The following DIS3L2 variants were observed in gnomAD, a reference collection of about 807,000 sequenced individuals.
DIS3L2 encodes DIS3 like 3'-5' exoribonuclease 2.
In DIS3L2, 34 loss-of-function variants were observed where a neutral mutation model predicts 97.5. The ratio of observed to expected loss-of-function variants is 0.35; its 90% confidence interval spans 0.27 to 0.46. The LOEUF is 0.46. Among genes scored for constraint, DIS3L2 ranks in the 20% least tolerant of loss-of-function variants. The pLI is 1.00. For missense variants in DIS3L2, 1,038 were observed against 1,146.0 expected, an observed-to-expected ratio of 0.91 and a Z score of 1.36; for synonymous variants, 435 against 445.2, an observed-to-expected ratio of 0.98 and a Z score of 0.29.
chr2:232,315,549 C>A (rs959076468), intron 14 of DIS3L2, among the ~76,000 whole-genome samples: 12 of 152,050 alleles, frequency 7.9e-5, no homozygotes, highest in African/African-American at 1.9e-4. Context: ...TCCCAGCTCT[C>A]TGAGGCTTTG....
intron 14 of DIS3L2, among the ~76,000 whole-genome samples, chr2:232,319,273 G>A (rs1695362212): frequency 6.6e-6 from 1 of 152,222 alleles, no homozygotes; most frequent in African/African-American, 2.4e-5. Context: ...GACACACCCT[G>A]GACTGCATGC....
At chr2:232,322,689 G>C in intron 14 of DIS3L2, among the ~76,000 whole-genome samples, 1 of 152,234 alleles carries the variant, frequency 6.6e-6, no homozygotes, top group Admixed American at 6.5e-5. Context: ...AAGGTCCCAG[G>C]AAGCCCAGGC....
At chr2:232,077,811 T>C (rs1242943643) in intron 5 of DIS3L2, among the ~76,000 whole-genome samples, 2 of 152,172 alleles carry the variant, frequency 1.3e-5, no homozygotes. Context: ...GTAATATATC[T>C]GCTATCCTCA....
chr2:232,333,185 T>A (rs1221984439), intron 16 of DIS3L2, among the ~76,000 whole-genome samples: 3 of 7,554 alleles, frequency 4.0e-4, no homozygotes, highest in African/African-American at 7.6e-4. Flanking sequence ...CGCCTCCTCC[T>A]CCTCCTCCTC....
At chr2:232,340,982 A>ACCTTCCGCT, downstream of DIS3L2, 1 of 467,536 alleles carries the variant, frequency 2.1e-6, no homozygotes. Flanking sequence ...CCTGGAGGTG[A>ACCTTCCGCT]GAAAGCCATC....
chr2:232,066,766 A>C (rs1052928434), intron 5 of DIS3L2, among the ~76,000 whole-genome samples: 1 of 152,038 alleles, frequency 6.6e-6, no homozygotes, highest in Non-Finnish European at 1.5e-5. Context: ...TGATGGTTTT[A>C]AACATGACCC....
chr2:232,221,101 C>A (rs1249253007), intron 10 of DIS3L2, among the ~76,000 whole-genome samples: 578 of 97,446 alleles, frequency 5.9e-3, no homozygotes, highest in East Asian at 7.6e-3. Context: ...GACTTCATCT[C>A]AAAAAAAAAA....
At chr2:232,267,087 A>T (rs886660769) in intron 13 of DIS3L2, among the ~76,000 whole-genome samples, 69 of 152,348 alleles carry the variant, frequency 4.5e-4, no homozygotes, top group African/African-American at 1.5e-3. Flanking sequence ...GTGTATTTGC[A>T]GTTGGCAACT....
At chr2:232,164,075 A>C (rs1318030630) in intron 9 of DIS3L2, among the ~76,000 whole-genome samples, 1 of 152,176 alleles carries the variant, frequency 6.6e-6, no homozygotes, top group African/African-American at 2.4e-5. Flanking sequence ...TTTTACAGAA[A>C]AAGTTTACTG....
intron 5 of DIS3L2, among the ~76,000 whole-genome samples, chr2:232,083,204 A>G (rs1203354469): frequency 1.3e-5 from 2 of 151,804 alleles, no homozygotes; most frequent in African/African-American, 4.8e-5. Context: ...CTCTTCTTAA[A>G]CTTCGTATGC....
At chr2:232,079,281 AGT>A (rs1574857520) in intron 5 of DIS3L2, among the ~76,000 whole-genome samples, 1 of 152,246 alleles carries the variant, frequency 6.6e-6, no homozygotes, top group East Asian at 1.9e-4. Flanking sequence ...ACTTTCAGAT[AGT>A]GGTAAGTGCA....
chr2:232,086,298 T>TATATACATATGTATATGTATATGC (rs1553605946), intron 5 of DIS3L2, among the ~76,000 whole-genome samples: 82 of 149,750 alleles, frequency 5.5e-4, no homozygotes, highest in African/African-American at 1.8e-3. Flanking sequence ...TATGTATACA[T>TATATACATATGTATATGTATATGC]ATATACATAT....
At chr2:232,086,371 A>ATACG (rs1696617846) in intron 5 of DIS3L2, among the ~76,000 whole-genome samples, 1 of 135,924 alleles carries the variant, frequency 7.4e-6, no homozygotes, top group African/African-American at 2.8e-5. Flanking sequence ...GTATATGTAT[A>ATACG]TGTATATGTA....
intron 5 of DIS3L2, among the ~76,000 whole-genome samples, chr2:232,057,343 G>A (rs1306249388): frequency 6.6e-6 from 1 of 152,082 alleles, no homozygotes; most frequent in Non-Finnish European, 1.5e-5. Flanking sequence ...AGTGTGGGTG[G>A]GACCTGCGAA....
intron 3 of DIS3L2, among the ~76,000 whole-genome samples, chr2:232,016,227 C>G (rs1694350409): frequency 6.6e-6 from 1 of 152,168 alleles, no homozygotes; most frequent in African/African-American, 2.4e-5. Context: ...TGTTTACAAG[C>G]TAGTTCAGTG....
chr2:231,967,867 G>A (rs1166157965), intron 1 of DIS3L2, among the ~76,000 whole-genome samples: 1 of 151,892 alleles, frequency 6.6e-6, no homozygotes, highest in East Asian at 1.9e-4. Flanking sequence ...GATTATTATT[G>A]GTTAAGACCA....
chr2:232,028,489 T>C (rs1475104645), intron 4 of DIS3L2, among the ~76,000 whole-genome samples: 2 of 152,172 alleles, frequency 1.3e-5, no homozygotes, highest in African/African-American at 4.8e-5. Flanking sequence ...TCAGCCCTGC[T>C]TTCCTTGGTT....
At chr2:232,091,717 A>G (rs557513871) in intron 6 of DIS3L2, among the ~76,000 whole-genome samples, 1 of 152,228 alleles carries the variant, frequency 6.6e-6, no homozygotes, top group African/African-American at 2.4e-5. Flanking sequence ...TTTTTGAGGA[A>G]CTTCCAAACT....
At chr2:232,229,511 C>G (rs1380834941) in intron 10 of DIS3L2, among the ~76,000 whole-genome samples, 1 of 152,252 alleles carries the variant, frequency 6.6e-6, no homozygotes, top group Non-Finnish European at 1.5e-5. Flanking sequence ...CCACTCACTG[C>G]TGAAAAGCCT....
Sources: gnomAD v4.1 joint callset for allele counts (sites outside exome capture counted in the v4.1 genomes callset) on GRCh38, gnomAD v4.1.1 for gene constraint, MANE v1.5 for transcripts, NCBI Gene and HGNC (gene_info 2026-07-23, HGNC 2026-07-21) for gene names.